The following ZDHHC14 variants were observed in gnomAD, a reference collection of about 807,000 sequenced individuals.
ZDHHC14 encodes zDHHC palmitoyltransferase 14.
Under a neutral mutation model 47.7 loss-of-function variants are expected in ZDHHC14, and 16 were observed. The observed-to-expected ratio is 0.34, with a 90% CI of 0.23 to 0.51. ZDHHC14 has a LOEUF of 0.51. Ranked by LOEUF, ZDHHC14 falls within the 20% of genes least tolerant of loss-of-function variation. The pLI is 0.97. For synonymous variants in ZDHHC14, 293 were observed against 278.9 expected, an observed-to-expected ratio of 1.05 and a Z score of -0.50; for missense variants, 515 against 662.5, an observed-to-expected ratio of 0.78 and a Z score of 2.44.
At chr6:157,452,686 G>A (rs996637157) in intron 1 of ZDHHC14, among the ~76,000 whole-genome samples, 6 of 141,576 alleles carry the variant, frequency 4.2e-5, no homozygotes, top group Non-Finnish European at 6.1e-5. Context: ...ACTAATACAT[G>A]GGGATTTTTT....
intron 8 of ZDHHC14, among the ~76,000 whole-genome samples, chr6:157,656,244 G>A (rs530578698): frequency 1.3e-5 from 2 of 152,340 alleles, no homozygotes; most frequent in Admixed American, 1.3e-4. Flanking sequence ...AAGGGTTGTT[G>A]GAAGAGGACA....
chr6:157,475,447 T>G (rs1425377209), intron 1 of ZDHHC14, among the ~76,000 whole-genome samples: 2 of 152,176 alleles, frequency 1.3e-5, no homozygotes, highest in African/African-American at 4.8e-5. Context: ...GTAGATCACT[T>G]TAGGCAATAT....
chr6:157,593,019 C>T lies in ZDHHC14; in HGVS notation c.438C>T (p.Tyr146=), dbSNP rs1783978032. 1 of 1,613,892 alleles carries T rather than the reference C, an allele frequency of 6.2e-7. No homozygotes were observed. The highest frequency in any genetic ancestry group is 1.7e-5 in the Admixed American group (1 of 59,984). Residue 146 remains tyrosine, a synonymous_variant, in exon 3 of 9, where the codon TAC becomes TAT. Transcript: ENST00000359775. ...CAAACGGCACCAGTTCAGGGGGGTACCGCCCGCCTCCCAGAACCAAAGAAG... is the reference window on the plus strand; with the variant it reads ...CAAACGGCACCAGTTCAGGGGGGTATCGCCCGCCTCCCAGAACCAAAGAAG... ...DIANGTSSGG[Y]RPPPRTKEVI...
At chr6:157,622,880 C>T (rs1226136065) in intron 3 of ZDHHC14, among the ~76,000 whole-genome samples, 3 of 152,162 alleles carry the variant, frequency 2.0e-5, no homozygotes, top group Non-Finnish European at 4.4e-5. Context: ...TTACTTAATC[C>T]ATAGTTACTG....
At position 157,455,799 on chromosome 6, in the gene ZDHHC14, A is replaced by AT. The variant is rs533173098; in HGVS notation, c.245+73537dup. On this transcript the variant is annotated intron_variant, in intron 1 of 8. Coordinates refer to ENST00000359775, the MANE Select transcript of ZDHHC14 (RefSeq NM_024630.3). ...AAGGAAAACGACTGTAGAACACAGCATTTTCTCTCAGATAAAGCAGTTAGT... is the reference window on the plus strand; with the variant it reads ...AAGGAAAACGACTGTAGAACACAGCATTTTTCTCTCAGATAAAGCAGTTAGT... Among the ~76,000 whole-genome samples, 333 of 152,316 alleles carry AT rather than the reference A, an allele frequency of 2.2e-3. 1 individual carries two copies. Among genetic ancestry groups the AT allele is most frequent in the African/African-American group, 7.6e-3 (314 of 41,568 alleles).
At chr6:157,450,454 G>A (rs962673323) in intron 1 of ZDHHC14, among the ~76,000 whole-genome samples, 1 of 150,032 alleles carries the variant, frequency 6.7e-6, no homozygotes, top group Non-Finnish European at 1.5e-5. Flanking sequence ...GGTAGAGGTT[G>A]TAGTGAGCCG....
chr6:157,498,839 T>C (rs1473464490), intron 1 of ZDHHC14, among the ~76,000 whole-genome samples: 3 of 152,240 alleles, frequency 2.0e-5, no homozygotes, highest in Non-Finnish European at 2.9e-5. Flanking sequence ...CTTGGGACTT[T>C]ATTAATAGGT....
At chr6:157,430,315 A>G (rs1228988004) in intron 1 of ZDHHC14, among the ~76,000 whole-genome samples, 1 of 149,948 alleles carries the variant, frequency 6.7e-6, no homozygotes, top group Non-Finnish European at 1.5e-5. Context: ...ACTGTGTAAA[A>G]AAAAAAAAAA....
chr6:157,408,077 G>A (rs1583619304), intron 1 of ZDHHC14, among the ~76,000 whole-genome samples: 1 of 152,214 alleles, frequency 6.6e-6, no homozygotes, highest in East Asian at 1.9e-4. Context: ...AAGTCATTTT[G>A]TGGGCAAGTT....
rs776548957 is a variant in ZDHHC14, at chr6:157,672,730, C to A, written c.1075C>A (p.Gln359Lys). 2 of 1,612,008 alleles carry A rather than the reference C, an allele frequency of 1.2e-6. No homozygotes were observed. Among genetic ancestry groups the A allele is most frequent in the South Asian group, 2.2e-5 (2 of 90,886 alleles). The change falls in exon 9 of 9, where the codon CAA becomes AAA. Residue 359 changes from glutamine (Q) to lysine (K), a missense_variant. Physicochemically the swap from Gln to Lys is moderately conservative, Grantham distance 53. This residue lies in a region of ZDHHC14 where 221 missense variants were observed against 233.6 expected (regional missense o/e 0.95). Coordinates refer to ENST00000359775, the MANE Select transcript of ZDHHC14 (RefSeq NM_024630.3). ...GGCGCCTCCCGCTCTCCAGTGCGAC[C>A]AAGACCAGTGCATTCAGAGCACCAA... Reference protein sequence around the residue: ...ATQSQSDMCDQDQCIQSTKFV... With the variant: ...ATQSQSDMCDKDQCIQSTKFV...
intron 5 of ZDHHC14, among the ~76,000 whole-genome samples, chr6:157,639,390 C>T (rs1007104625): frequency 2.0e-5 from 3 of 152,206 alleles, no homozygotes; most frequent in East Asian, 1.9e-4. Flanking sequence ...CTGCAACCTC[C>T]GCCTCCCAGG....
rs376923422 is a variant in ZDHHC14, at chr6:157,667,006, A to G, written c.1069-5718A>G. 1.4e-4 allele frequency among the ~76,000 whole-genome samples: 21 copies of G among 152,362 alleles called. 1 individual carries two copies. Among genetic ancestry groups the G allele is most frequent in the African/African-American group, 4.1e-4 (17 of 41,586 alleles). On this transcript the variant is annotated intron_variant, in intron 8 of 8. Transcript: ENST00000359775. ...TGGGATTTTTATGCTGCCAGCAGAA[A>G]GGTCTTTTCATAGACACTCTTACAA...
chr6:157,611,188 CAG>C (rs1448708836), intron 3 of ZDHHC14, among the ~76,000 whole-genome samples: 2 of 152,040 alleles, frequency 1.3e-5, no homozygotes, highest in African/African-American at 4.8e-5. Context: ...TTAGTAGAGA[CAG>C]GGTTTCACCA....
intron 1 of ZDHHC14, among the ~76,000 whole-genome samples, chr6:157,490,240 T>C (rs1025766935): frequency 3.9e-5 from 6 of 152,218 alleles, no homozygotes; most frequent in African/African-American, 1.4e-4. Context: ...TGGGTGTCTC[T>C]AAACAGATAT....
At chr6:157,545,173 G>A (rs1354872333) in intron 2 of ZDHHC14, among the ~76,000 whole-genome samples, 1 of 152,228 alleles carries the variant, frequency 6.6e-6, no homozygotes, top group Non-Finnish European at 1.5e-5. Context: ...ACAGAAAGGA[G>A]ATTAGTGATT....
At chr6:157,431,017 G>C (rs1288274826) in intron 1 of ZDHHC14, among the ~76,000 whole-genome samples, 1 of 152,164 alleles carries the variant, frequency 6.6e-6, no homozygotes, top group African/African-American at 2.4e-5. Flanking sequence ...CTGCTTGATG[G>C]ACTTGTCTGT....
At chr6:157,591,436 A>G (rs1201904112) in intron 2 of ZDHHC14, among the ~76,000 whole-genome samples, 2 of 152,094 alleles carry the variant, frequency 1.3e-5, no homozygotes, top group Non-Finnish European at 2.9e-5. Flanking sequence ...TGATTCTTTT[A>G]TAAGAGGCTT....
chr6:157,580,712 TTGTGTG>T (rs35713410), intron 2 of ZDHHC14, among the ~76,000 whole-genome samples: 1 of 148,684 alleles, frequency 6.7e-6, no homozygotes, highest in Non-Finnish European at 1.5e-5. Context: ...TTTTTGTGTT[TTGTGTG>T]TGTGTGTGTG....
intron 1 of ZDHHC14, among the ~76,000 whole-genome samples, chr6:157,529,559 C>T (rs911412598): frequency 1.1e-4 from 17 of 152,174 alleles, no homozygotes; most frequent in Admixed American, 1.1e-3. Flanking sequence ...GTCACTAAGG[C>T]GTTACTACCA....
Sources: allele counts gnomAD v4.1 joint callset (sites outside exome capture counted in the v4.1 genomes callset), GRCh38; gene constraint gnomAD v4.1.1; regional missense constraint gnomAD v4.1.1; transcripts MANE v1.5; gene names NCBI Gene and HGNC (gene_info 2026-07-23, HGNC 2026-07-21).